CNIH1: variants seen among roughly 807,000 people sequenced by gnomAD.
CNIH1 encodes cornichon family member 1.
Under a neutral mutation model 20.2 loss-of-function variants are expected in CNIH1, and 12 were observed. The observed-to-expected ratio is 0.59, with a 90% CI of 0.38 to 0.96. CNIH1 has a LOEUF of 0.96. Among genes scored for constraint, CNIH1 ranks in the 40% least tolerant of loss-of-function variants. The pLI is 0.00. For synonymous variants in CNIH1, 69 were observed against 63.3 expected (o/e 1.09, Z -0.43); for missense variants, 152 against 178.8 (o/e 0.85, Z 0.85).
chr14:54,429,245 C>T (rs1172546602), intron 4 of CNIH1, among the ~76,000 whole-genome samples: 3 of 152,210 alleles, frequency 2.0e-5, no homozygotes, highest in African/African-American at 7.2e-5. Context: ...AATTTTGCCC[C>T]TCAGGACATC....
In CNIH1 at chr14:54,432,515, T is replaced by A. The variant is rs565328161; in HGVS notation, c.151-295A>T. On this transcript the variant is annotated intron_variant, in intron 2 of 4. Coordinates refer to ENST00000216416, the MANE Select transcript of CNIH1 (RefSeq NM_005776.3). ...AATTATATAAAGTTACCACCCAGAT[T>A]GTTAAACAATATGCTAGTCAACTAG... Among the ~76,000 whole-genome samples the A allele has an allele frequency of 2.6e-5, 4 of 152,346 alleles. No individual in the cohort carries two copies. In the East Asian group the frequency reaches 5.8e-4, roughly 22 times the overall value.
Position 54,441,247 on chromosome 14 carries a change from G to T in CNIH1, c.81C>A (p.His27Gln). 2.0e-6 allele frequency: 3 copies of T among 1,511,444 alleles called. No individual in the cohort carries two copies. Among genetic ancestry groups the T allele is most frequent in the Non-Finnish European group, 2.7e-6 (3 of 1,127,522 alleles). The allele number at this position is 1,511,444 out of a possible 1,614,324, so 93.6% of individuals were successfully genotyped here. Residue 27 changes from histidine (H) to glutamine (Q), a missense_variant and splice_region_variant, in exon 1 of 5, where the codon CAC (histidine) becomes CAA (glutamine). Transcript: ENST00000216416. ...CCTTTCCCCAGCCCCAGCTACTCAC[G>T]TGCCAAATGGCGAAGAAGATGAGCG... ...TAALIFFAIW[H>Q]IIAFDELKTD... is the part of the protein sequence containing the mutation.
intron 1 of CNIH1, among the ~76,000 whole-genome samples, chr14:54,437,980 T>C (rs968202675): frequency 5.3e-5 from 5 of 94,352 alleles, no homozygotes; most frequent in Non-Finnish European, 9.2e-5. Flanking sequence ...CTTCAAGGGT[T>C]TTTTTTTTTT....
intron 2 of CNIH1, among the ~76,000 whole-genome samples, chr14:54,432,580 C>T (rs1427645796): frequency 6.6e-6 from 1 of 152,092 alleles, no homozygotes; most frequent in East Asian, 1.9e-4. Context: ...GATAGAAGTA[C>T]AAAAATGAGA....
At chr14:54,440,951 C>T (rs867817439) in intron 1 of CNIH1, among the ~76,000 whole-genome samples, 1 of 151,720 alleles carries the variant, frequency 6.6e-6, no homozygotes, top group African/African-American at 2.4e-5. Context: ...TCGGTGCGAA[C>T]GCAGCGCGGA....
chr14:54,440,433 G>T (rs924240730), intron 1 of CNIH1, among the ~76,000 whole-genome samples: 3 of 152,150 alleles, frequency 2.0e-5, no homozygotes, highest in Non-Finnish European at 4.4e-5. Flanking sequence ...TTTTTCCTTA[G>T]AGGGACCAGT....
chr14:54,439,286 A>AT (rs1241919308), intron 1 of CNIH1, among the ~76,000 whole-genome samples: 24 of 151,626 alleles, frequency 1.6e-4, no homozygotes, highest in African/African-American at 3.4e-4. Flanking sequence ...CTGCGGTATA[A>AT]TTTTTTTTTC....
chr14:54,432,762 A>T (rs1225720245), intron 2 of CNIH1, among the ~76,000 whole-genome samples: 3 of 152,244 alleles, frequency 2.0e-5, no homozygotes, highest in Non-Finnish European at 4.4e-5. Context: ...AAAGCCAATC[A>T]GCCAATAATC....
chr14:54,438,537 T>C (rs2031100856), intron 1 of CNIH1, among the ~76,000 whole-genome samples: 1 of 152,218 alleles, frequency 6.6e-6, no homozygotes, highest in Admixed American at 6.5e-5. Flanking sequence ...TTTAAGCTTT[T>C]AATTTTTCAA....
chr14:54,431,540 T>C (rs1188741690), intron 3 of CNIH1, among the ~76,000 whole-genome samples: 1 of 152,246 alleles, frequency 6.6e-6, no homozygotes, highest in East Asian at 1.9e-4. Flanking sequence ...GGTTTTGACA[T>C]GCCTATTTAA....
intron 4 of CNIH1, 80 bp downstream of exon 4, chr14:54,430,181 T>G: frequency 3.6e-6 from 5 of 1,405,626 alleles, no homozygotes; most frequent in Non-Finnish European, 4.9e-6. Flanking sequence ...AAATGGATTT[T>G]GAGGTGTGAA....
At position 54,441,274 on chromosome 14, in the gene CNIH1, G is replaced by A. The variant is rs1300756302; in HGVS notation, c.54C>T (p.Ala18=). 2.6e-6 allele frequency: 4 copies of A among 1,521,204 alleles called. No homozygotes were observed. In the East Asian group the frequency reaches 8.0e-5, roughly 31 times the overall value. The allele number at this position is 1,521,204 out of a possible 1,614,324, so 94.2% of individuals were successfully genotyped here. Residue 18 remains alanine, a synonymous_variant, in exon 1 of 5, where the codon GCC becomes GCT. Transcript: ENST00000216416. ...FCYMLALLLT[A]ALIFFAIWHI... ...GCCAAATGGCGAAGAAGATGAGCGCGGCAGTGAGCAGCAGCGCCAGCATGT... is the reference window on the plus strand; with the variant it reads ...GCCAAATGGCGAAGAAGATGAGCGCAGCAGTGAGCAGCAGCGCCAGCATGT...
intron 1 of CNIH1, among the ~76,000 whole-genome samples, chr14:54,437,021 G>A (rs191897428): frequency 7.2e-5 from 11 of 152,322 alleles, no homozygotes; most frequent in African/African-American, 2.4e-4. Flanking sequence ...TTGGCACAGT[G>A]CTCAGTGGGA....
At chr14:54,433,478 T>C (rs917946082) in intron 2 of CNIH1, among the ~76,000 whole-genome samples, 1 of 152,186 alleles carries the variant, frequency 6.6e-6, no homozygotes, top group African/African-American at 2.4e-5. Flanking sequence ...TAACAAAGGA[T>C]AAACTCGGCA....
At chr14:54,429,664 C>T (rs1029393700) in intron 4 of CNIH1, among the ~76,000 whole-genome samples, 2 of 152,074 alleles carry the variant, frequency 1.3e-5, no homozygotes, top group Admixed American at 1.3e-4. Context: ...GAGGCTGAGG[C>T]AGGAGAATTG....
At chr14:54,441,064 C>G (rs1181717920) in intron 1 of CNIH1, among the ~76,000 whole-genome samples, 183 bp downstream of exon 1, 4 of 151,730 alleles carry the variant, frequency 2.6e-5, no homozygotes, top group African/African-American at 7.3e-5. Flanking sequence ...CACCTGGCGA[C>G]TGCGCGCCCC....
chr14:54,437,835 C>T (rs1193015046), intron 1 of CNIH1, among the ~76,000 whole-genome samples: 1 of 152,168 alleles, frequency 6.6e-6, no homozygotes, highest in East Asian at 1.9e-4. Context: ...TGGTATATAA[C>T]CCCAATGCAT....
chr14:54,435,622 A>ATTCT lies in CNIH1; in HGVS notation c.150+746_150+747insAGAA, dbSNP rs2031039650. ...TGCGAGATCCCAGAGCCCCCAGAAC[A>ATTCT]GAGCTATCCACCTAACAGGCTCTGA... is the stretch of plus-strand genomic sequence containing the variant. On this transcript the variant is annotated intron_variant, in intron 2 of 4. Transcript: ENST00000216416. Among the ~76,000 whole-genome samples the ATTCT allele has an allele frequency of 4.6e-5, 7 of 152,342 alleles. 1 individual carries two copies. The highest frequency in any genetic ancestry group is 6.5e-5 in the Admixed American group (1 of 15,302).
intron 1 of CNIH1, 168 bp from the exon 2 acceptor site, chr14:54,436,605 G>A: frequency 1.7e-6 from 1 of 585,596 alleles, no homozygotes; most frequent in East Asian, 2.9e-5. Flanking sequence ...GAACCAGAAT[G>A]CGATTTAAAG....
Sources: allele counts gnomAD v4.1 joint callset (sites outside exome capture counted in the v4.1 genomes callset), GRCh38; gene constraint gnomAD v4.1.1; transcripts MANE v1.5; gene names NCBI Gene and HGNC (gene_info 2026-07-23, HGNC 2026-07-21).